Variants in EYA4 observed in about 807,000 individuals in gnomAD.
The protein encoded by EYA4 is protein phosphatase EYA4.
A neutral mutation model predicts 87.9 loss-of-function variants in EYA4; 31 were observed. The ratio of observed to expected loss-of-function variants is 0.35; its 90% confidence interval spans 0.27 to 0.48. EYA4 has a LOEUF of 0.48. EYA4 is among the 20% of genes least tolerant of loss of function. EYA4 has a pLI of 0.99. For missense variants in EYA4, 678 were observed against 761.4 expected, an observed-to-expected ratio of 0.89 and a Z score of 1.29; for synonymous variants, 263 against 270.6, an observed-to-expected ratio of 0.97 and a Z score of 0.28.
intron 2 of EYA4, among the ~76,000 whole-genome samples, chr6:133,296,387 G>C (rs1778946831): frequency 6.6e-6 from 1 of 152,166 alleles, no homozygotes; most frequent in African/African-American, 2.4e-5. Context: ...GTTTTAGATG[G>C]AGAATAGACT....
chr6:133,454,492 T>G (rs1793738237), intron 5 of EYA4, among the ~76,000 whole-genome samples: 2 of 152,196 alleles, frequency 1.3e-5, no homozygotes, highest in African/African-American at 4.8e-5. Flanking sequence ...TCTCAAATTC[T>G]AGCTCTTACA....
chr6:133,501,749 C>CA (rs899150291), intron 13 of EYA4, among the ~76,000 whole-genome samples: 58 of 149,126 alleles, frequency 3.9e-4, no homozygotes, highest in Middle Eastern at 6.8e-3. Flanking sequence ...CTTTAAAAAA[C>CA]AAAAAAAAAC....
intron 9 of EYA4, among the ~76,000 whole-genome samples, chr6:133,463,610 C>T (rs747914078): frequency 2.0e-5 from 3 of 152,236 alleles, no homozygotes; most frequent in South Asian, 2.1e-4. Flanking sequence ...ACCCGCCCGC[C>T]ACGGCCTCCC....
intron 3 of EYA4, among the ~76,000 whole-genome samples, chr6:133,415,816 C>CA (rs1397151338): frequency 6.6e-6 from 1 of 152,052 alleles, no homozygotes; most frequent in East Asian, 1.9e-4. Flanking sequence ...TAAGACATCT[C>CA]AAAAAACTCA....
intron 11 of EYA4, among the ~76,000 whole-genome samples, chr6:133,476,690 G>C (rs1795765861): frequency 6.6e-6 from 1 of 152,042 alleles, no homozygotes; most frequent in Non-Finnish European, 1.5e-5. Flanking sequence ...TTGGCTATTT[G>C]TGAATAATGC....
chr6:133,456,497 A>C (rs960506765), intron 5 of EYA4, 59 bp from the exon 6 acceptor site: 2 of 1,164,176 alleles, frequency 1.7e-6, no homozygotes, highest in Non-Finnish European at 2.6e-6. Flanking sequence ...AGTAGAACGG[A>C]CAGAGTCTTT....
At chr6:133,439,165 A>G (rs925832814) in intron 3 of EYA4, among the ~76,000 whole-genome samples, 1 of 151,420 alleles carries the variant, frequency 6.6e-6, no homozygotes, top group Admixed American at 6.6e-5. Context: ...GGGATGTGCT[A>G]CAGATACTAC....
At chr6:133,461,248 T>C (rs569859030) in intron 7 of EYA4, 68 bp downstream of exon 7, 32 of 1,109,892 alleles carry the variant, frequency 2.9e-5, no homozygotes, top group East Asian at 2.8e-4. Context: ...TTATAGATGG[T>C]TGGATAATAC....
chr6:133,391,216 G>GTTT lies in EYA4; in HGVS notation c.83+8778_83+8780dup, dbSNP rs1171912624. Among the ~76,000 whole-genome samples the GTTT allele has an allele frequency of 3.6e-3, 247 of 68,834 alleles. 1 individual carries two copies. The highest frequency in any genetic ancestry group is 0.017 in the Middle Eastern group (2 of 118). The allele number at this position is 68,834 out of a possible 152,430, so 45.2% of individuals were successfully genotyped here. Reference sequence around the variant, plus strand: ...TAGTATCTATTATTTTTTGGGTTTTGTTTTTGTTTTTTTTTTTTTTTTGAG... The same window carrying GTTT: ...TAGTATCTATTATTTTTTGGGTTTTGTTTTTTTTGTTTTTTTTTTTTTTTTGAG... On this transcript the variant is annotated intron_variant, in intron 3 of 19. Transcript: ENST00000355286.
At chr6:133,251,553 GT>G (rs1191352891) in intron 1 of EYA4, among the ~76,000 whole-genome samples, 2 of 152,132 alleles carry the variant, frequency 1.3e-5, no homozygotes, top group African/African-American at 4.8e-5. Flanking sequence ...TATCTGTATA[GT>G]TTTAAAAATG....
chr6:133,530,238 T>C lies in EYA4; in HGVS notation c.*1433T>C. The C allele has an allele frequency of 1.0e-6, 1 of 985,338 alleles. No individual in the cohort carries two copies. The highest frequency in any genetic ancestry group is 1.7e-5 in the African/African-American group (1 of 57,356). The allele number at this position is 985,338 out of a possible 1,614,324, so 61.0% of individuals were successfully genotyped here. On this transcript the variant is annotated 3_prime_UTR_variant, in exon 20 of 20. Coordinates refer to ENST00000355286, the MANE Select transcript of EYA4 (RefSeq NM_004100.5). ...AATACATCAATGCAGGTTCTCCTCG[T>C]AACAGACTTGCATATGTTTGTTAGT... is the stretch of plus-strand genomic sequence containing the variant.
chr6:133,446,299 GTTATTT>G (rs1317700661), intron 3 of EYA4, among the ~76,000 whole-genome samples: 4 of 151,792 alleles, frequency 2.6e-5, no homozygotes, highest in African/African-American at 9.7e-5. Flanking sequence ...ATTATTTTTT[GTTATTT>G]TTATATGTCA....
intron 1 of EYA4, among the ~76,000 whole-genome samples, chr6:133,251,810 A>C (rs1774925518): frequency 6.6e-6 from 1 of 152,186 alleles, no homozygotes; most frequent in South Asian, 2.1e-4. Context: ...GCAGATCTTA[A>C]TATCATTTGA....
chr6:133,424,445 A>T (rs1267816400), intron 3 of EYA4, among the ~76,000 whole-genome samples: 1 of 152,022 alleles, frequency 6.6e-6, no homozygotes, highest in East Asian at 1.9e-4. Flanking sequence ...TCTCGGCCCC[A>T]ACCCCTGCTC....
At chr6:133,487,104 G>C (rs1374895111) in intron 13 of EYA4, among the ~76,000 whole-genome samples, 1 of 152,214 alleles carries the variant, frequency 6.6e-6, no homozygotes, top group Non-Finnish European at 1.5e-5. Context: ...CTCAGTGAGT[G>C]TAGGTTTTTG....
intron 3 of EYA4, among the ~76,000 whole-genome samples, chr6:133,440,797 ATGTC>A (rs898379844): frequency 6.6e-6 from 1 of 152,218 alleles, no homozygotes; most frequent in African/African-American, 2.4e-5. Flanking sequence ...AGAGTTGTGA[ATGTC>A]TGGGTAAGGC....
chr6:133,492,927 A>G (rs1046932984), intron 13 of EYA4, among the ~76,000 whole-genome samples: 1 of 152,170 alleles, frequency 6.6e-6, no homozygotes, highest in African/African-American at 2.4e-5. Context: ...AAAACTGTAA[A>G]ACATTGATGG....
At chr6:133,328,174 A>C (rs903230918) in intron 2 of EYA4, among the ~76,000 whole-genome samples, 3 of 152,180 alleles carry the variant, frequency 2.0e-5, no homozygotes, top group African/African-American at 7.2e-5. Context: ...TCTCATCTTT[A>C]AAATAGTTCA....
At chr6:133,290,794 C>T (rs1171403444) in intron 2 of EYA4, among the ~76,000 whole-genome samples, 1 of 152,146 alleles carries the variant, frequency 6.6e-6, no homozygotes, top group Non-Finnish European at 1.5e-5. Flanking sequence ...ACATTAACAA[C>T]AACACTTTGT....
Sources: gnomAD v4.1 joint callset for allele counts (sites outside exome capture counted in the v4.1 genomes callset) on GRCh38, gnomAD v4.1.1 for gene constraint, MANE v1.5 for transcripts, NCBI Gene and HGNC (gene_info 2026-07-23, HGNC 2026-07-21) for gene names.